Variants in KCNIP4 observed in about 807,000 individuals in gnomAD.
The protein encoded by KCNIP4 is Kv channel-interacting protein 4.
A neutral mutation model predicts 34.0 loss-of-function variants in KCNIP4; 12 were observed. The ratio of observed to expected loss-of-function variants is 0.35; its 90% CI spans 0.23 to 0.57. KCNIP4 has a LOEUF of 0.57. Ranked by LOEUF, KCNIP4 falls within the 20% of genes least tolerant of loss-of-function variation. The probability of loss-of-function intolerance (pLI) is 0.83; values close to 1 mark genes in which losing one functional copy is unlikely to be tolerated. For missense variants in KCNIP4, 238 were observed against 311.7 expected, an observed-to-expected ratio of 0.76 and a Z score of 1.78; for synonymous variants, 124 against 102.2, an observed-to-expected ratio of 1.21 and a Z score of -1.29.
chr4:21,477,294 T>C (rs1195284586), intron 1 of KCNIP4, among the ~76,000 whole-genome samples: 1 of 152,174 alleles, frequency 6.6e-6, no homozygotes, highest in Non-Finnish European at 1.5e-5. Context: ...CTCAGGATTG[T>C]GCCTGACAGA....
At chr4:20,793,714 C>A (rs181489094) in intron 3 of KCNIP4, among the ~76,000 whole-genome samples, 9 of 152,128 alleles carry the variant, frequency 5.9e-5, no homozygotes, top group Admixed American at 5.9e-4. Flanking sequence ...AATAATTACA[C>A]AACTCACCAT....
chr4:20,907,554 T>A (rs377385541), intron 1 of KCNIP4, among the ~76,000 whole-genome samples: 1 of 152,128 alleles, frequency 6.6e-6, no homozygotes, highest in Non-Finnish European at 1.5e-5. Context: ...ACAGACATAG[T>A]TTTTTTGAGT....
intron 1 of KCNIP4, among the ~76,000 whole-genome samples, chr4:21,058,138 G>A (rs1392474176): frequency 2.0e-5 from 3 of 152,056 alleles, no homozygotes; most frequent in Admixed American, 6.6e-5. Context: ...AGATATTTTG[G>A]GTTTCTTCTC....
chr4:21,298,124 G>A (rs1172015333), intron 1 of KCNIP4, among the ~76,000 whole-genome samples: 1 of 152,016 alleles, frequency 6.6e-6, no homozygotes, highest in South Asian at 2.1e-4. Flanking sequence ...TAATTCCAAG[G>A]CGAGGCATAT....
intron 1 of KCNIP4, among the ~76,000 whole-genome samples, chr4:21,627,199 A>G (rs1190528715): frequency 6.6e-6 from 1 of 152,120 alleles, no homozygotes; most frequent in East Asian, 1.9e-4. Flanking sequence ...TTTGGCACAC[A>G]CATATGAATC....
intron 1 of KCNIP4, among the ~76,000 whole-genome samples, chr4:21,714,531 G>A (rs560319842): frequency 4.3e-5 from 6 of 138,672 alleles, no homozygotes; most frequent in Middle Eastern, 3.7e-3. Context: ...AAGGAGAAGA[G>A]GAAGAAAGAG....
intron 3 of KCNIP4, among the ~76,000 whole-genome samples, chr4:20,824,887 A>T (rs1343742932): frequency 6.6e-6 from 1 of 152,196 alleles, no homozygotes; most frequent in African/African-American, 2.4e-5. Flanking sequence ...GTTTTGAAGA[A>T]CTACTAAAAC....
intron 1 of KCNIP4, among the ~76,000 whole-genome samples, chr4:21,469,750 T>G (rs959032773): frequency 6.6e-5 from 10 of 152,118 alleles, no homozygotes; most frequent in African/African-American, 2.4e-4. Context: ...GTCTCTGCTC[T>G]CAATACAGTG....
intron 1 of KCNIP4, among the ~76,000 whole-genome samples, chr4:21,233,356 CT>C (rs1758941344): frequency 6.6e-6 from 1 of 152,078 alleles, no homozygotes; most frequent in South Asian, 2.1e-4. Flanking sequence ...CTACTAAATA[CT>C]TCCTCACTGT....
At chr4:20,855,734 T>G (rs1721503935) in intron 2 of KCNIP4, among the ~76,000 whole-genome samples, 1 of 152,048 alleles carries the variant, frequency 6.6e-6, no homozygotes, top group Admixed American at 6.6e-5. Context: ...TAATAGGAGA[T>G]GAAAACAAAC....
At chr4:20,865,237 A>G (rs1317512745) in intron 2 of KCNIP4, among the ~76,000 whole-genome samples, 1 of 152,104 alleles carries the variant, frequency 6.6e-6, no homozygotes, top group Non-Finnish European at 1.5e-5. Context: ...GTCTGAGAGT[A>G]ATGGAGGGAA....
chr4:21,778,869 TTAA>T (rs1719377118), intron 1 of KCNIP4, among the ~76,000 whole-genome samples: 1 of 152,140 alleles, frequency 6.6e-6, no homozygotes, highest in South Asian at 2.1e-4. Context: ...CAGTCACTTA[TTAA>T]CTGTGTAACC....
chr4:21,423,198 A>AAGC (rs908995759), intron 1 of KCNIP4, among the ~76,000 whole-genome samples: 4 of 152,212 alleles, frequency 2.6e-5, no homozygotes, highest in African/African-American at 9.6e-5. Context: ...GTAGGAGGAA[A>AAGC]AGCAACAAAA....
intron 1 of KCNIP4, among the ~76,000 whole-genome samples, chr4:21,249,956 G>A (rs1410165601): frequency 6.6e-6 from 1 of 151,998 alleles, no homozygotes; most frequent in Non-Finnish European, 1.5e-5. Context: ...ACTGTCTTGT[G>A]ACAAAGCTTA....
At chr4:21,479,444 G>T (rs1426273396) in intron 1 of KCNIP4, among the ~76,000 whole-genome samples, 1 of 152,102 alleles carries the variant, frequency 6.6e-6, no homozygotes, top group African/African-American at 2.4e-5. Flanking sequence ...GCATGCTAAA[G>T]GAGTGTACAC....
rs146111637 is a variant in KCNIP4, at chr4:21,332,165, C to G, written c.62-449456G>C. Among the ~76,000 whole-genome samples, 780 of 152,056 alleles carry G rather than the reference C, an allele frequency of 5.1e-3. 3 individuals are homozygous for G. Among genetic ancestry groups the G allele is most frequent in the African/African-American group, 0.018 (750 of 41,494 alleles). On this transcript the variant is annotated intron_variant, in intron 1 of 8. Transcript: ENST00000382152. ...AATCAGAAGCAGCAAACTTGATTGCCCCGTCCTCTAGAATATAACCTATTC... is the reference window on the plus strand; with the variant it reads ...AATCAGAAGCAGCAAACTTGATTGCGCCGTCCTCTAGAATATAACCTATTC...
intron 1 of KCNIP4, among the ~76,000 whole-genome samples, chr4:21,363,655 G>A (rs1014820884): frequency 6.6e-6 from 1 of 152,076 alleles, no homozygotes; most frequent in Non-Finnish European, 1.5e-5. Flanking sequence ...GTACTTTGTG[G>A]CCCTTGTAAT....
intron 1 of KCNIP4, among the ~76,000 whole-genome samples, chr4:21,661,991 C>T (rs1043006382): frequency 6.6e-6 from 1 of 152,068 alleles, no homozygotes; most frequent in Admixed American, 6.5e-5. Context: ...TGACACAATG[C>T]GACCCAAGTG....
intron 1 of KCNIP4, among the ~76,000 whole-genome samples, chr4:21,367,857 A>G (rs1489747941): frequency 6.8e-6 from 1 of 147,734 alleles, no homozygotes; most frequent in Non-Finnish European, 1.5e-5. Context: ...GCAATATGAC[A>G]TCTTTCCATG....
Sources: allele counts gnomAD v4.1 joint callset (sites outside exome capture counted in the v4.1 genomes callset), GRCh38; gene constraint gnomAD v4.1.1; transcripts MANE v1.5; gene names NCBI Gene and HGNC (gene_info 2026-07-23, HGNC 2026-07-21).